Variants in ARMC9 observed in about 807,000 individuals in gnomAD.
The protein encoded by ARMC9 is armadillo repeat containing 9.
A neutral mutation model predicts 107.0 loss-of-function variants in ARMC9; 94 were observed. The ratio of observed to expected loss-of-function variants is 0.88; its 90% CI spans 0.74 to 1.04. The LOEUF (loss-of-function observed/expected upper bound fraction) is 1.04. ARMC9 is among the 50% of genes least tolerant of loss of function. ARMC9 has a pLI of 0.00. For missense variants in ARMC9, 942 were observed against 1,030.1 expected, an observed-to-expected ratio of 0.91 and a Z score of 1.17; for synonymous variants, 380 against 396.9, an observed-to-expected ratio of 0.96 and a Z score of 0.51.
intron 17 of ARMC9, 106 bp downstream of exon 17, chr2:231,282,239 G>T: frequency 9.0e-7 from 1 of 1,110,116 alleles, no homozygotes; most frequent in Non-Finnish European, 1.3e-6. Context: ...GCTCAGATCC[G>T]TTCCAAACTC....
At chr2:231,234,879 T>TA (rs2125359814) in intron 7 of ARMC9, among the ~76,000 whole-genome samples, 1 of 152,378 alleles carries the variant, frequency 6.6e-6, no homozygotes, top group African/African-American at 2.4e-5. Flanking sequence ...GTGTTGGGAT[T>TA]ACAGGCGTGA....
chr2:231,216,489 A>C, intron 4 of ARMC9, 149 bp from the exon 5 acceptor site: 9 of 837,026 alleles, frequency 1.1e-5, no homozygotes, highest in African/African-American at 1.7e-5. Flanking sequence ...GGTGGATGGT[A>C]GAATTCTAGA....
intron 9 of ARMC9, among the ~76,000 whole-genome samples, chr2:231,251,827 G>A (rs1286826195): frequency 1.3e-5 from 2 of 152,022 alleles, no homozygotes; most frequent in African/African-American, 4.8e-5. Flanking sequence ...CTGGGCTCAG[G>A]TGATCCTTCC....
intron 8 of ARMC9, among the ~76,000 whole-genome samples, chr2:231,236,919 G>C (rs572647962): frequency 1.3e-5 from 2 of 152,188 alleles, no homozygotes; most frequent in Non-Finnish European, 1.5e-5. Context: ...CTGGGCAACA[G>C]CGTGAAACTG....
At chr2:231,331,456 CT>C (rs35508844) in intron 19 of ARMC9, among the ~76,000 whole-genome samples, 50,210 of 151,926 alleles carry the variant, frequency 0.33, 8,419 homozygotes, top group Middle Eastern at 0.39. Context: ...ACTGGCTGTT[CT>C]ATATGGTGCC....
chr2:231,201,991 TTTTC>T (rs2031075730), intron 1 of ARMC9, among the ~76,000 whole-genome samples: 1 of 148,472 alleles, frequency 6.7e-6, no homozygotes, highest in Admixed American at 6.7e-5. Context: ...CGATGACCTT[TTTTC>T]TTTCTTTCTT....
At chr2:231,365,257 G>C (rs1441599835) in intron 23 of ARMC9, among the ~76,000 whole-genome samples, 1 of 152,174 alleles carries the variant, frequency 6.6e-6, no homozygotes, top group East Asian at 1.9e-4. Flanking sequence ...AAATGTAAAG[G>C]GTGATATACG....
In ARMC9 at chr2:231,257,867, C is replaced by G. The variant is rs145128580; in HGVS notation, c.915-1124C>G. ...ATTTAGTCTCACCAGTTTTTCTATG[C>G]CCTCTAATCTTTTCTACAATAAAAC... On this transcript the variant is annotated intron_variant, in intron 10 of 24. Coordinates refer to ENST00000611582, the MANE Select transcript of ARMC9 (RefSeq NM_001352754.2). Among the ~76,000 whole-genome samples, 672 of 152,284 alleles carry G rather than the reference C, an allele frequency of 4.4e-3. 3 individuals are homozygous for G. Among genetic ancestry groups the G allele is most frequent in the African/African-American group, 0.015 (632 of 41,538 alleles).
rs1341987081 is a variant in ARMC9, at chr2:231,328,814, C to CTTTTTTTTTTTT, written c.1774-2975_1774-2974insTTTTTTTTTTTT. On this transcript the variant is annotated intron_variant, in intron 19 of 24. Coordinates refer to ENST00000611582, the MANE Select transcript of ARMC9 (RefSeq NM_001352754.2). ...AGCGTGTTCAATTTTCTTTTCTTTT[C>CTTTTTTTTTTTT]TTTTCTTTTTTTTTTTTTGAGTCGG... is the stretch of plus-strand genomic sequence containing the variant. 2.3e-3 allele frequency among the ~76,000 whole-genome samples: 294 copies of CTTTTTTTTTTTT among 127,134 alleles called. 13 individuals carry two copies. Among genetic ancestry groups the CTTTTTTTTTTTT allele is most frequent in the Middle Eastern group, 4.7e-3 (1 of 214 alleles). 83.4% of individuals were successfully genotyped at this position (127,134 alleles called of 152,430 possible).
Position 231,285,742 on chromosome 2 carries a change from C to T in ARMC9, c.1626+3609C>T, listed in dbSNP as rs937147149. Among the ~76,000 whole-genome samples, 11 of 152,208 alleles carry T rather than the reference C, an allele frequency of 7.2e-5. No homozygotes were observed. The South Asian group carries it at 8.3e-4, about 11-fold the overall frequency. ...GAGGAACCCCCTTTTAGCCTGAGAACGCATCAGCTAGGCAGTTGCCTACTT... is the reference window on the plus strand; with the variant it reads ...GAGGAACCCCCTTTTAGCCTGAGAATGCATCAGCTAGGCAGTTGCCTACTT... On this transcript the variant is annotated intron_variant, in intron 17 of 24. Coordinates refer to ENST00000611582, the MANE Select transcript of ARMC9 (RefSeq NM_001352754.2).
intron 19 of ARMC9, among the ~76,000 whole-genome samples, chr2:231,316,156 A>ATGTG (rs1307502195): frequency 8.6e-6 from 1 of 116,066 alleles, no homozygotes; most frequent in African/African-American, 4.6e-5. Flanking sequence ...ACATGTGTGT[A>ATGTG]TGTATGTGTG....
intron 23 of ARMC9, among the ~76,000 whole-genome samples, chr2:231,365,505 C>T (rs1434386716): frequency 2.0e-5 from 3 of 152,176 alleles, no homozygotes; most frequent in Admixed American, 6.5e-5. Context: ...CAAAGAAAAG[C>T]ATTCAGGGCC....
intron 9 of ARMC9, among the ~76,000 whole-genome samples, chr2:231,243,475 C>T (rs895064704): frequency 1.3e-5 from 2 of 152,118 alleles, no homozygotes; most frequent in Admixed American, 6.6e-5. Flanking sequence ...AGGGGTACAA[C>T]ACAGCTGGTT....
In ARMC9 at chr2:231,214,855, A is replaced by G; in HGVS notation, c.202A>G (p.Asn68Asp). Residue 68 changes from asparagine (N) to aspartate (D), a missense_variant, in exon 4 of 25, where the codon AAC (asparagine) becomes GAC (aspartate). Coordinates refer to ENST00000611582, the MANE Select transcript of ARMC9 (RefSeq NM_001352754.2). ...GAAGGATCTTGTCGCTGCATTTGAC[A>G]ACGGAGACCAGAAGGTGTTCTTCGA... The part of the protein sequence containing the change: ...IQKDLVAAFD[N>D]GDQKVFFDLW... 1 of 1,614,128 alleles carries G rather than the reference A, an allele frequency of 6.2e-7. No individual in the cohort carries two copies. Among genetic ancestry groups the G allele is most frequent in the Non-Finnish European group, 8.5e-7 (1 of 1,180,030 alleles).
At chr2:231,315,927 C>T (rs1190955115) in intron 19 of ARMC9, among the ~76,000 whole-genome samples, 2 of 152,036 alleles carry the variant, frequency 1.3e-5, no homozygotes, top group Non-Finnish European at 2.9e-5. Flanking sequence ...CCGTATTTGC[C>T]TTTTTGTTTG....
intron 20 of ARMC9, among the ~76,000 whole-genome samples, chr2:231,335,816 C>T (rs1350040510): frequency 1.3e-5 from 2 of 152,144 alleles, no homozygotes; most frequent in Non-Finnish European, 2.9e-5. Flanking sequence ...GTGGCTGACG[C>T]GTGTGATTCC....
At chr2:231,307,959 C>A (rs1204765107) in intron 19 of ARMC9, among the ~76,000 whole-genome samples, 2 of 152,228 alleles carry the variant, frequency 1.3e-5, no homozygotes, top group Non-Finnish European at 2.9e-5. Flanking sequence ...GCCAAGGCAC[C>A]AGCCTGATGC....
chr2:231,360,864 G>A lies in ARMC9; in HGVS notation c.2242G>A (p.Gly748Ser). Residue 748 changes from glycine (G) to serine (S), a missense_variant, in exon 23 of 25, where the codon GGC (glycine) becomes AGC (serine). Coordinates refer to ENST00000611582, the MANE Select transcript of ARMC9 (RefSeq NM_001352754.2). This position sits in a 1 kb window ranked among gnomAD's most constrained non-coding sequence, Gnocchi z 4.7. The stretch of plus-strand genomic sequence containing the variant: ...GCCAAGGGAGGCGCCCCAGGACCCA[G>A]GCAATGGAGTGACCACCAGGTAAGG... ...RQPREAPQDP[G>S]NGVTTRECAS... 6.5e-7 allele frequency: 1 copy of A among 1,533,688 alleles called. No individual in the cohort carries two copies. The highest frequency in any genetic ancestry group is 8.7e-7 in the Non-Finnish European group (1 of 1,145,782).
chr2:231,290,466 G>A (rs908508995), intron 17 of ARMC9, among the ~76,000 whole-genome samples: 1 of 152,290 alleles, frequency 6.6e-6, no homozygotes, highest in Non-Finnish European at 1.5e-5. Context: ...CACTAGATCC[G>A]TTTCTCTGGC....
Sources: gnomAD v4.1 joint callset for allele counts (sites outside exome capture counted in the v4.1 genomes callset) on GRCh38, gnomAD v4.1.1 for gene constraint, Gnocchi (gnomAD v3.1) non-coding constraint, MANE v1.5 for transcripts, NCBI Gene and HGNC (gene_info 2026-07-23, HGNC 2026-07-21) for gene names.